The following NWD2 variants were observed in gnomAD, a reference collection of about 807,000 sequenced individuals.
NWD2 encodes NACHT and WD repeat domain-containing protein 2.
A neutral mutation model predicts 132.7 loss-of-function variants in NWD2; 37 were observed. The ratio of observed to expected loss-of-function variants is 0.28; its 90% confidence interval spans 0.21 to 0.37. NWD2 has a LOEUF of 0.37. Ranked by LOEUF, NWD2 falls within the 10% of genes least tolerant of loss-of-function variation. NWD2 has a pLI of 1.00. For missense variants in NWD2, 1,592 were observed against 2,122.4 expected, an observed-to-expected ratio of 0.75 and a Z score of 4.91; for synonymous variants, 705 against 803.0, an observed-to-expected ratio of 0.88 and a Z score of 2.06.
chr4:37,417,540 A>C (rs1220552407), intron 3 of NWD2, among the ~76,000 whole-genome samples: 1 of 152,206 alleles, frequency 6.6e-6, no homozygotes, highest in Non-Finnish European at 1.5e-5. Flanking sequence ...TGCAGGTCAA[A>C]AGGGAATTCA....
intron 3 of NWD2, among the ~76,000 whole-genome samples, chr4:37,424,526 CT>C (rs1262212260): frequency 1.3e-5 from 2 of 152,126 alleles, no homozygotes; most frequent in Non-Finnish European, 2.9e-5. Flanking sequence ...TAAATAGAAG[CT>C]TCTAGAAAGA....
chr4:37,337,899 A>C (rs183652388), intron 2 of NWD2, among the ~76,000 whole-genome samples: 1 of 151,970 alleles, frequency 6.6e-6, no homozygotes, highest in African/African-American at 2.4e-5. Context: ...AAGACTTTCA[A>C]CTCTTGGCTT....
At chr4:37,271,105 C>T (rs1245023840) in intron 1 of NWD2, among the ~76,000 whole-genome samples, 1 of 151,772 alleles carries the variant, frequency 6.6e-6, no homozygotes, top group Non-Finnish European at 1.5e-5. Context: ...GTCAATTGGT[C>T]TATCCTTACT....
intron 1 of NWD2, among the ~76,000 whole-genome samples, chr4:37,321,508 G>C (rs1719067456): frequency 6.6e-6 from 1 of 152,030 alleles, no homozygotes; most frequent in African/African-American, 2.4e-5. Context: ...TTAAGGAACT[G>C]GGCAGATACA....
intron 3 of NWD2, among the ~76,000 whole-genome samples, chr4:37,396,133 T>C (rs138290878): frequency 1.3e-5 from 2 of 152,314 alleles, no homozygotes; most frequent in East Asian, 3.9e-4. Context: ...TTGCATGCCA[T>C]CATGACTGGT....
chr4:37,398,381 A>G (rs1720842047), intron 3 of NWD2, among the ~76,000 whole-genome samples: 1 of 152,256 alleles, frequency 6.6e-6, no homozygotes, highest in Non-Finnish European at 1.5e-5. Flanking sequence ...GTTCTCAGTC[A>G]TAAGTGGGAG....
intron 3 of NWD2, among the ~76,000 whole-genome samples, chr4:37,414,932 G>A (rs1711543645): frequency 6.6e-6 from 1 of 152,166 alleles, no homozygotes; most frequent in Non-Finnish European, 1.5e-5. Context: ...GCACACTGGA[G>A]CACAGAGGGG....
chr4:37,383,006 C>T (rs1265186460), intron 3 of NWD2, among the ~76,000 whole-genome samples: 1 of 152,140 alleles, frequency 6.6e-6, no homozygotes, highest in Non-Finnish European at 1.5e-5. Context: ...CTGAAAAAAA[C>T]TCCTGAGCTG....
chr4:37,447,165 G>T lies in NWD2; in HGVS notation c.5177G>T (p.Arg1726Leu). The part of the protein sequence containing the change: ...PSKKHNSCYE[R>L]VCSALEARGH... Reference sequence around the variant, plus strand: ...AAGAAACACAACTCTTGTTATGAGCGGGTATGCTCGGCCCTAGAAGCCAGG... The same window carrying T: ...AAGAAACACAACTCTTGTTATGAGCTGGTATGCTCGGCCCTAGAAGCCAGG... Residue 1726 changes from arginine to leucine, a missense_variant, in exon 7 of 7, where the codon CGG becomes CTG. Around this residue, in one of 7 missense-constraint regions of NWD2, gnomAD observed 257 missense variants for 335.0 expected, o/e 0.77. Coordinates refer to ENST00000309447, the MANE Select transcript of NWD2 (RefSeq NM_001144990.2). The T allele has an allele frequency of 6.4e-7, 1 of 1,551,316 alleles. No homozygotes were observed. The highest frequency in any genetic ancestry group is 8.7e-7 in the Non-Finnish European group (1 of 1,146,986).
chr4:37,429,773 C>T (rs1712118917), intron 3 of NWD2, among the ~76,000 whole-genome samples: 1 of 152,196 alleles, frequency 6.6e-6, no homozygotes, highest in Admixed American at 6.5e-5. Flanking sequence ...GAAACTAATT[C>T]AGCATAAATA....
intron 1 of NWD2, among the ~76,000 whole-genome samples, chr4:37,287,145 A>T (rs564528787): frequency 1.3e-5 from 2 of 152,284 alleles, no homozygotes; most frequent in Middle Eastern, 6.8e-3. Flanking sequence ...TGCTTTTTCC[A>T]TGGAACTGTG....
At chr4:37,308,272 G>A (rs1052250090) in intron 1 of NWD2, among the ~76,000 whole-genome samples, 3 of 151,960 alleles carry the variant, frequency 2.0e-5, no homozygotes, top group East Asian at 1.9e-4. Context: ...GACTTTTTCT[G>A]GCAGATGTGT....
rs148661827 is a variant in NWD2 at position 37,353,267 on chromosome 4, G to T, written c.241-3099G>T. Among the ~76,000 whole-genome samples, 125 of 152,228 alleles carry T rather than the reference G, an allele frequency of 8.2e-4. 1 individual carries two copies. Among genetic ancestry groups the T allele is most frequent in the African/African-American group, 2.8e-3 (115 of 41,552 alleles). ...CCTTTCCCAACCTTTCTCTATGGCT[G>T]CCCCTAACATTTTTTCCTTCATTTC... On this transcript the variant is annotated intron_variant, in intron 2 of 6. Coordinates refer to ENST00000309447, the MANE Select transcript of NWD2 (RefSeq NM_001144990.2).
chr4:37,399,326 A>G (rs1720860586), intron 3 of NWD2, among the ~76,000 whole-genome samples: 1 of 152,236 alleles, frequency 6.6e-6, no homozygotes, highest in East Asian at 1.9e-4. Context: ...CCAAGAATAT[A>G]GTAGGAACAG....
intron 1 of NWD2, among the ~76,000 whole-genome samples, chr4:37,299,260 C>T (rs1330152818): frequency 6.6e-6 from 1 of 152,104 alleles, no homozygotes; most frequent in Admixed American, 6.6e-5. Context: ...CACCCTGCCC[C>T]ACCTCGGCAA....
chr4:37,286,332 A>G (rs888752965), intron 1 of NWD2, among the ~76,000 whole-genome samples: 3 of 152,188 alleles, frequency 2.0e-5, no homozygotes, highest in African/African-American at 4.8e-5. Flanking sequence ...ACTTGTGCTT[A>G]TTGGGTCAAG....
intron 3 of NWD2, among the ~76,000 whole-genome samples, chr4:37,429,840 G>GA (rs1173914949): frequency 1.3e-5 from 2 of 152,006 alleles, no homozygotes; most frequent in Non-Finnish European, 2.9e-5. Context: ...ATTCCCAGAA[G>GA]AAAAAAATGC....
intron 1 of NWD2, among the ~76,000 whole-genome samples, chr4:37,280,624 T>A (rs1718108541): frequency 6.6e-6 from 1 of 152,128 alleles, no homozygotes; most frequent in African/African-American, 2.4e-5. Flanking sequence ...CAGTCAAGGT[T>A]CCTGCAGGAA....
At chr4:37,395,584 CAAAAAAAAAAAAAAA>C (rs1156884728) in intron 3 of NWD2, among the ~76,000 whole-genome samples, 22 of 18,278 alleles carry the variant, frequency 1.2e-3, no homozygotes, top group Non-Finnish European at 2.0e-3. Flanking sequence ...AACTCTGTCT[CAAAAAAAAAAAAAAA>C]AAAAAAAAAA....
Sources: gnomAD v4.1 joint callset for allele counts (sites outside exome capture counted in the v4.1 genomes callset) on GRCh38, gnomAD v4.1.1 for gene constraint, gnomAD v4.1.1 regional missense constraint, MANE v1.5 for transcripts, NCBI Gene and HGNC (gene_info 2026-07-23, HGNC 2026-07-21) for gene names.